ZNF845: variants seen among roughly 807,000 people sequenced by gnomAD.
ZNF845 encodes the protein zinc finger protein 845.
In ZNF845, 59 loss-of-function variants were observed where a neutral mutation model predicts 76.1. The observed-to-expected ratio is 0.78, with a 90% confidence interval of 0.63 to 0.96. The LOEUF is 0.96. ZNF845 is among the 40% of genes least tolerant of loss of function. The pLI, the probability that ZNF845 is intolerant of heterozygous loss-of-function variation, is 0.00. For missense variants in ZNF845, 1,045 were observed against 1,172.8 expected, an observed-to-expected ratio of 0.89 and a Z score of 1.59; for synonymous variants, 361 against 386.9, an observed-to-expected ratio of 0.93 and a Z score of 0.78.
intron 1 of ZNF845, 171 bp from the exon 2 acceptor site, chr19:53,341,064 T>C: frequency 1.5e-6 from 1 of 653,456 alleles, no homozygotes; most frequent in Non-Finnish European, 2.5e-6. Context: ...TCTGCATGCT[T>C]CTTTCTGTTT....
intron 2 of ZNF845, among the ~76,000 whole-genome samples, chr19:53,343,925 T>C (rs2085275027): frequency 6.6e-6 from 1 of 151,830 alleles, no homozygotes; most frequent in Admixed American, 6.6e-5. Context: ...GCTCAAACCA[T>C]CCTTCTACCT....
intron 3 of ZNF845, among the ~76,000 whole-genome samples, chr19:53,346,926 T>C (rs6509747): frequency 0.84 from 126,988 of 151,876 alleles, 53,277 homozygotes; most frequent in Non-Finnish European, 0.88. Flanking sequence ...TTCTGTTGCC[T>C]AGGCTGGAGT....
intron 2 of ZNF845, among the ~76,000 whole-genome samples, chr19:53,342,644 C>T (rs78852217): frequency 0.12 from 18,465 of 151,752 alleles, 1,250 homozygotes; most frequent in Middle Eastern, 0.21. Flanking sequence ...TGCATCGTTA[C>T]GAGACTTTAG....
At chr19:53,341,909 G>A (rs1398238652) in intron 2 of ZNF845, among the ~76,000 whole-genome samples, 1 of 152,068 alleles carries the variant, frequency 6.6e-6, no homozygotes, top group African/African-American at 2.4e-5. Flanking sequence ...AAATCAACCT[G>A]AATCATAGCA....
chr19:53,342,123 A>G (rs951628136), intron 2 of ZNF845, among the ~76,000 whole-genome samples: 16 of 150,706 alleles, frequency 1.1e-4, no homozygotes, highest in Middle Eastern at 3.5e-3. Context: ...TAATATTATT[A>G]TATTTTAAAT....
At chr19:53,349,765 A>G (rs534715120) in intron 3 of ZNF845, among the ~76,000 whole-genome samples, 5 of 152,196 alleles carry the variant, frequency 3.3e-5, no homozygotes, top group Non-Finnish European at 5.9e-5. Flanking sequence ...GCCTGGCACT[A>G]TGGCTCACAC....
chr19:53,342,622 C>T (rs1412845897), intron 2 of ZNF845, among the ~76,000 whole-genome samples: 1 of 151,898 alleles, frequency 6.6e-6, no homozygotes, highest in African/African-American at 2.4e-5. Flanking sequence ...AAATCTCGCG[C>T]GTCTGTATTT....
intron 1 of ZNF845, among the ~76,000 whole-genome samples, chr19:53,337,797 C>T (rs1031887234): frequency 1.3e-5 from 2 of 152,036 alleles, no homozygotes; most frequent in Non-Finnish European, 2.9e-5. Context: ...AACTCCAGAC[C>T]TTAAGTAATC....
chr19:53,343,157 C>T (rs1199086159), intron 2 of ZNF845, among the ~76,000 whole-genome samples: 3 of 152,080 alleles, frequency 2.0e-5, no homozygotes, highest in African/African-American at 4.8e-5. Context: ...CCTTCCTCCC[C>T]GCCTCCACCC....
chr19:53,353,681 G>A lies in ZNF845; in HGVS notation c.*93G>A. On this transcript the variant is annotated 3_prime_UTR_variant, in exon 4 of 4. Coordinates refer to ENST00000458035, the MANE Select transcript of ZNF845 (RefSeq NM_138374.3). ...GGAGAGAAAGCTTACAAATGTAAGA[G>A]TTTGTGACAAGAATCTTGGGCGTGA... 1 of 1,523,350 alleles carries A rather than the reference G, an allele frequency of 6.6e-7. No individual in the cohort carries two copies. The highest frequency in any genetic ancestry group is 1.4e-5 in the South Asian group (1 of 74,072). The allele number at this position is 1,523,350 out of a possible 1,614,324, so 94.4% of individuals were successfully genotyped here. A position where few individuals can be genotyped will look rare whatever the true frequency, so the allele number is the denominator to read the frequency against.
chr19:53,343,158 G>A (rs899688245), intron 2 of ZNF845, among the ~76,000 whole-genome samples: 33 of 151,822 alleles, frequency 2.2e-4, no homozygotes, highest in African/African-American at 7.7e-4. Flanking sequence ...CTTCCTCCCC[G>A]CCTCCACCCT....
chr19:53,348,105 C>T (rs899735347), intron 3 of ZNF845, among the ~76,000 whole-genome samples: 3 of 152,092 alleles, frequency 2.0e-5, no homozygotes, highest in African/African-American at 4.8e-5. Context: ...GCAGGAGAAT[C>T]ACTTGAACCC....
rs150168930 is a variant in ZNF845 at position 53,356,518 on chromosome 19, A to C, written c.*2930A>C. The C allele has an allele frequency of 3.3e-5, 5 of 152,196 alleles. No homozygotes were observed. Among genetic ancestry groups the C allele is most frequent in the East Asian group, 1.9e-4 (1 of 5,188 alleles). The allele number at this position is 152,196 out of a possible 1,614,324, so 9.4% of individuals were successfully genotyped here. ...TCACCACTGCACTCCAGCCTGGGTG[A>C]CAGAGCTAGACCCTGTCTCAAACAA... is the stretch of plus-strand genomic sequence containing the variant. On this transcript the variant is annotated 3_prime_UTR_variant, in exon 4 of 4. Transcript: ENST00000458035.
chr19:53,346,036 A>G (rs866722615), intron 3 of ZNF845, among the ~76,000 whole-genome samples: 3 of 152,006 alleles, frequency 2.0e-5, no homozygotes, highest in East Asian at 1.9e-4. Context: ...AAATTGTAGC[A>G]TATGTGTGTC....
In ZNF845 at chr19:53,341,938, T is replaced by C. The variant is rs188881135; in HGVS notation, c.15+616T>C. ...CATAGCAGGAGATTCATTCAACCAT[T>C]CTTAGCACATTAAAGCTCATGGAGA... On this transcript the variant is annotated intron_variant, in intron 2 of 3. Transcript: ENST00000458035. 1.7e-4 allele frequency among the ~76,000 whole-genome samples: 26 copies of C among 152,134 alleles called. No individual in the cohort carries two copies. In the East Asian group the frequency reaches 5.0e-3, roughly 29 times the overall value.
chr19:53,353,614 A>C lies in ZNF845; in HGVS notation c.*26A>C, dbSNP rs1278168328. 6.4e-7 allele frequency: 1 copy of C among 1,550,432 alleles called. No individual in the cohort carries two copies. Among genetic ancestry groups the C allele is most frequent in the Non-Finnish European group, 8.7e-7 (1 of 1,148,116 alleles). The stretch of plus-strand genomic sequence containing the variant: ...AAATATGAAGAATGTGACAAAGTTT[A>C]CAGTTGTAAATCAAGTCTTGAAAGA... On this transcript the variant is annotated 3_prime_UTR_variant, in exon 4 of 4. Coordinates refer to ENST00000458035, the MANE Select transcript of ZNF845 (RefSeq NM_138374.3).
intron 3 of ZNF845, among the ~76,000 whole-genome samples, chr19:53,347,450 T>TGG (rs2085304841): frequency 1.3e-5 from 2 of 151,188 alleles, no homozygotes; most frequent in African/African-American, 4.9e-5. Context: ...CTGTTTTTTT[T>TGG]TTTTTTTTTC....
In ZNF845 at chr19:53,338,646, G is replaced by A. The variant is rs113824509; in HGVS notation, c.-73-2589G>A. On this transcript the variant is annotated intron_variant, in intron 1 of 3. Coordinates refer to ENST00000458035, the MANE Select transcript of ZNF845 (RefSeq NM_138374.3). ...AGGGCCACCTCCTCCTGCCAGGCCA[G>A]TGGTGATGACGCTCTACTGGCTTTT... Among the ~76,000 whole-genome samples the A allele has an allele frequency of 2.2e-4, 22 of 102,134 alleles. 5 individuals are homozygous for A. The highest frequency in any genetic ancestry group is 2.7e-4 in the South Asian group (1 of 3,644). The allele number at this position is 102,134 out of a possible 152,430, so 67.0% of individuals were successfully genotyped here. A position where few individuals can be genotyped will look rare whatever the true frequency, so the allele number is the denominator to read the frequency against.
In ZNF845 at chr19:53,345,536, G is replaced by A; in HGVS notation, c.46G>A (p.Glu16Lys). 1.2e-6 allele frequency: 2 copies of A among 1,613,488 alleles called. No homozygotes were observed. Among genetic ancestry groups the A allele is most frequent in the Non-Finnish European group, 1.7e-6 (2 of 1,179,544 alleles). ...GLLTFRDVAI[E>K]FSQEEWKCLD... ...ATTGACATTCAGGGATGTGGCCATA[G>A]AATTCTCTCAGGAAGAGTGGAAGTG... Residue 16 changes from glutamate (E) to lysine (K), a missense_variant, in exon 3 of 4, where the codon GAA becomes AAA. Coordinates refer to ENST00000458035, the MANE Select transcript of ZNF845 (RefSeq NM_138374.3).
Sources: gnomAD v4.1 joint callset for allele counts (sites outside exome capture counted in the v4.1 genomes callset) on GRCh38, gnomAD v4.1.1 for gene constraint, MANE v1.5 for transcripts, NCBI Gene and HGNC (gene_info 2026-07-23, HGNC 2026-07-21) for gene names.